TENM4: variants seen among roughly 807,000 people sequenced by gnomAD.
TENM4 encodes teneurin-4.
TENM4 carries 82 observed loss-of-function variants against 243.3 expected under a neutral mutation model. That is an observed-to-expected ratio of 0.34 (90% CI 0.28 to 0.40). The LOEUF is 0.40. TENM4 is among the 10% of genes least tolerant of loss of function. The pLI is 1.00. For synonymous variants in TENM4, 1,412 were observed against 1,456.3 expected (o/e 0.97, Z 0.69); for missense variants, 3,138 against 3,673.3 (o/e 0.85, Z 3.77).
chr11:79,107,896 G>A (rs1861412201), intron 4 of TENM4, among the ~76,000 whole-genome samples: 1 of 152,202 alleles, frequency 6.6e-6, no homozygotes, highest in South Asian at 2.1e-4. Context: ...AGGCCACACA[G>A]CCAGCTAAGT....
At chr11:78,871,692 G>A (rs1036564595) in intron 9 of TENM4, among the ~76,000 whole-genome samples, 44 of 152,134 alleles carry the variant, frequency 2.9e-4, no homozygotes, top group African/African-American at 7.0e-4. Context: ...TCCATCAGGC[G>A]CTGCTTCCCA....
chr11:78,925,407 C>T (rs747225478), intron 6 of TENM4, among the ~76,000 whole-genome samples: 7 of 151,938 alleles, frequency 4.6e-5, no homozygotes, highest in East Asian at 1.9e-4. Context: ...TAATTCCAAG[C>T]GAATCAGGAA....
chr11:79,311,958 T>C (rs1375444057), intron 1 of TENM4, among the ~76,000 whole-genome samples: 2 of 152,196 alleles, frequency 1.3e-5, no homozygotes, highest in Non-Finnish European at 1.5e-5. Flanking sequence ...GGGTCCTGAA[T>C]GAGTCTCTGA....
intron 12 of TENM4, among the ~76,000 whole-genome samples, chr11:78,832,264 G>T (rs1476675294): frequency 6.6e-6 from 1 of 152,132 alleles, no homozygotes; most frequent in Admixed American, 6.5e-5. Flanking sequence ...CTCATGGTTG[G>T]CTTTCTCAAA....
At chr11:78,849,941 C>T (rs115849217) in intron 12 of TENM4, among the ~76,000 whole-genome samples, 1,528 of 152,320 alleles carry the variant, frequency 0.01, 18 homozygotes, top group African/African-American at 0.034. Flanking sequence ...CAGCCCACCT[C>T]GGCCCAGCCA....
Position 79,382,723 on chromosome 11 carries a change from C to T in TENM4, c.-321+57786G>A, listed in dbSNP as rs112685111. On this transcript the variant is annotated intron_variant, in intron 1 of 33. Transcript: ENST00000278550. ...GGGTGCTACCGTGAGATTTGTTTCC[C>T]GAGAAGAGGCTGGGAGCCTCTTCTT... 1.5e-3 allele frequency among the ~76,000 whole-genome samples: 222 copies of T among 151,944 alleles called. 1 individual carries two copies. The highest frequency in any genetic ancestry group is 5.0e-3 in the African/African-American group (208 of 41,458).
chr11:79,403,068 G>A (rs1858494634), intron 1 of TENM4, among the ~76,000 whole-genome samples: 1 of 152,144 alleles, frequency 6.6e-6, no homozygotes, highest in South Asian at 2.1e-4. Context: ...GCAGCTAATA[G>A]ATGCAATCTA....
intron 2 of TENM4, among the ~76,000 whole-genome samples, chr11:79,238,670 CT>C (rs1864527393): frequency 1.3e-5 from 2 of 152,076 alleles, no homozygotes; most frequent in African/African-American, 4.8e-5. Context: ...CTCTTTCTCT[CT>C]CTCTCTCTCT....
chr11:79,079,079 G>A (rs989979410), intron 4 of TENM4, among the ~76,000 whole-genome samples: 1 of 152,224 alleles, frequency 6.6e-6, no homozygotes, highest in Non-Finnish European at 1.5e-5. Context: ...TACAGCTGCT[G>A]CTTGATACGT....
chr11:79,166,505 A>G (rs1433884135), intron 3 of TENM4, among the ~76,000 whole-genome samples: 1 of 152,228 alleles, frequency 6.6e-6, no homozygotes, highest in Non-Finnish European at 1.5e-5. Context: ...AAGAATATCC[A>G]TGATGAGGAT....
At chr11:78,716,331 T>G (rs1463576548) in intron 25 of TENM4, among the ~76,000 whole-genome samples, 1 of 152,182 alleles carries the variant, frequency 6.6e-6, no homozygotes, top group Non-Finnish European at 1.5e-5. Context: ...AGAACTGGCC[T>G]CTTCCTTCAT....
At chr11:78,895,253 T>C (rs1390857249) in intron 7 of TENM4, among the ~76,000 whole-genome samples, 3 of 151,638 alleles carry the variant, frequency 2.0e-5, no homozygotes, top group Admixed American at 2.0e-4. Context: ...GGAGAATCGC[T>C]TGGACCCAGG....
rs144342567 is a variant in TENM4 at position 78,791,492 on chromosome 11, C to T, written c.2180-4409G>A. ...TGTAAAACAGGGATGACGTCAACTACTATACTTTGGAGGACTGCTGTAGGA... is the reference window on the plus strand; with the variant it reads ...TGTAAAACAGGGATGACGTCAACTATTATACTTTGGAGGACTGCTGTAGGA... On this transcript the variant is annotated intron_variant, in intron 15 of 33. Coordinates refer to ENST00000278550, the MANE Select transcript of TENM4 (RefSeq NM_001098816.3). Among the ~76,000 whole-genome samples the T allele has an allele frequency of 4.7e-3, 714 of 152,328 alleles. 5 individuals carry two copies. The highest frequency in any genetic ancestry group is 0.016 in the African/African-American group (657 of 41,572).
intron 4 of TENM4, among the ~76,000 whole-genome samples, chr11:79,112,547 C>A (rs938232396): frequency 2.6e-5 from 4 of 152,214 alleles, no homozygotes; most frequent in African/African-American, 9.6e-5. Flanking sequence ...TGAGGGGAAC[C>A]ACTGGTCAGT....
intron 6 of TENM4, among the ~76,000 whole-genome samples, chr11:78,980,222 C>T (rs1039663256): frequency 6.6e-6 from 1 of 152,198 alleles, no homozygotes; most frequent in Non-Finnish European, 1.5e-5. Flanking sequence ...ATTGATCGAG[C>T]ACTTTCTCTT....
At chr11:79,111,409 A>T (rs56139890) in intron 4 of TENM4, among the ~76,000 whole-genome samples, 6 of 152,022 alleles carry the variant, frequency 3.9e-5, no homozygotes, top group African/African-American at 1.4e-4. Flanking sequence ...GCTGGGCATG[A>T]TGGCGGGCAC....
intron 2 of TENM4, among the ~76,000 whole-genome samples, chr11:79,248,937 A>G (rs111843416): frequency 3.4e-4 from 52 of 152,308 alleles, no homozygotes; most frequent in African/African-American, 1.1e-3. Flanking sequence ...AGGCCAGGAA[A>G]GAGGAAGAGG....
chr11:79,077,707 T>C (rs111268312), intron 4 of TENM4, among the ~76,000 whole-genome samples: 29 of 152,240 alleles, frequency 1.9e-4, no homozygotes, highest in African/African-American at 7.0e-4. Flanking sequence ...GTTCAGACTC[T>C]GGGGAGGGAA....
At chr11:78,822,200 G>A (rs2136124271) in intron 12 of TENM4, among the ~76,000 whole-genome samples, 1 of 152,346 alleles carries the variant, frequency 6.6e-6, no homozygotes, top group Admixed American at 6.5e-5. Flanking sequence ...ATGACTCTGT[G>A]AGTCATGGTG....
Sources: allele counts gnomAD v4.1 joint callset (sites outside exome capture counted in the v4.1 genomes callset), GRCh38; gene constraint gnomAD v4.1.1; transcripts MANE v1.5; gene names NCBI Gene and HGNC (gene_info 2026-07-23, HGNC 2026-07-21).